MKLN1: variants seen among roughly 807,000 people sequenced by gnomAD.
MKLN1 encodes the protein muskelin 1.
In MKLN1, 18 loss-of-function variants were observed where a neutral mutation model predicts 99.0. The observed-to-expected ratio is 0.18, with a 90% CI of 0.13 to 0.27. The LOEUF is 0.27. Ranked by LOEUF, MKLN1 falls within the 10% of genes least tolerant of loss-of-function variation. The pLI is 1.00. For synonymous variants in MKLN1, 288 were observed against 293.2 expected (o/e 0.98, Z 0.18); for missense variants, 621 against 875.9 (o/e 0.71, Z 3.67).
chr7:131,386,416 C>G (rs559718022), intron 2 of MKLN1, among the ~76,000 whole-genome samples: 1 of 152,226 alleles, frequency 6.6e-6, no homozygotes, highest in East Asian at 1.9e-4. Context: ...TCTTAACCGT[C>G]TTTATCACCT....
intron 2 of MKLN1, among the ~76,000 whole-genome samples, chr7:131,157,679 AG>A (rs1175068917): frequency 6.6e-6 from 1 of 152,142 alleles, no homozygotes; most frequent in African/African-American, 2.4e-5. Context: ...TTCATGCAAA[AG>A]CTCCTGAAAA....
rs529225680 is a variant in MKLN1, at chr7:131,116,028, G to A, written c.-419+5821G>A. ...CACTTAAAAAATATTAATTAGGGCC[G>A]GGCACGGTGGCTCACGCCTGTAATC... On this transcript the variant is annotated intron_variant, in intron 1 of 7. Transcript: ENST00000416992. 9.9e-5 allele frequency among the ~76,000 whole-genome samples: 15 copies of A among 152,198 alleles called. No homozygotes were observed. The East Asian group carries it at 1.7e-3, about 18-fold the overall frequency.
intron 8 of MKLN1, 87 bp downstream of exon 8, chr7:131,414,797 G>A (rs1794969349): frequency 1.8e-5 from 2 of 108,126 alleles, no homozygotes; most frequent in South Asian, 1.8e-4. Context: ...GAAGGGGCGG[G>A]GGGTGGGGGG....
intron 1 of MKLN1, among the ~76,000 whole-genome samples, chr7:131,123,590 C>T (rs772690710): frequency 2.8e-4 from 43 of 152,136 alleles, no homozygotes; most frequent in Non-Finnish European, 3.5e-4. Flanking sequence ...AAGTTCAAGA[C>T]CAACCTGGCC....
chr7:131,366,507 A>G (rs568257434), intron 1 of MKLN1, among the ~76,000 whole-genome samples: 6 of 152,222 alleles, frequency 3.9e-5, no homozygotes, highest in African/African-American at 1.4e-4. Context: ...ATATTTAAGT[A>G]TTCTTAAGAG....
At chr7:131,223,178 C>T (rs989298929) in intron 3 of MKLN1, among the ~76,000 whole-genome samples, 2 of 152,200 alleles carry the variant, frequency 1.3e-5, no homozygotes, top group South Asian at 2.1e-4. Context: ...GGATTCTTCC[C>T]CACATTCCCC....
chr7:131,174,978 G>C (rs1796272336), intron 2 of MKLN1, among the ~76,000 whole-genome samples: 1 of 151,328 alleles, frequency 6.6e-6, no homozygotes, highest in African/African-American at 2.4e-5. Flanking sequence ...TAGATAGATA[G>C]ATAGATAGAT....
chr7:131,144,655 T>G (rs1314182602), intron 2 of MKLN1, among the ~76,000 whole-genome samples: 3 of 151,622 alleles, frequency 2.0e-5, no homozygotes, highest in Non-Finnish European at 4.4e-5. Flanking sequence ...ACCTGGCCCT[T>G]GTGTTTTGTT....
intron 8 of MKLN1, among the ~76,000 whole-genome samples, chr7:131,427,661 C>T (rs985163899): frequency 6.6e-6 from 1 of 152,168 alleles, no homozygotes; most frequent in Non-Finnish European, 1.5e-5. Flanking sequence ...TCAAGTGATT[C>T]TCCTGCCTCA....
At chr7:131,363,543 C>A (rs1800090319) in intron 1 of MKLN1, among the ~76,000 whole-genome samples, 1 of 151,986 alleles carries the variant, frequency 6.6e-6, no homozygotes, top group Non-Finnish European at 1.5e-5. Flanking sequence ...TTCCAGTTAT[C>A]TCTGCATTTA....
chr7:131,224,219 C>T (rs1181795012), intron 3 of MKLN1, among the ~76,000 whole-genome samples: 1 of 152,236 alleles, frequency 6.6e-6, no homozygotes, highest in Non-Finnish European at 1.5e-5. Flanking sequence ...GCCTGGGCAA[C>T]ACAGAGAAAC....
chr7:131,306,303 A>T (rs923796620), intron 3 of MKLN1, among the ~76,000 whole-genome samples: 1 of 152,254 alleles, frequency 6.6e-6, no homozygotes, highest in African/African-American at 2.4e-5. Context: ...TGCTATAAAG[A>T]TACCTAAAAA....
chr7:131,338,701 G>A (rs1421009255), intron 1 of MKLN1, among the ~76,000 whole-genome samples: 4 of 152,126 alleles, frequency 2.6e-5, no homozygotes, highest in Admixed American at 1.3e-4. Flanking sequence ...ATGTAAAAAC[G>A]TACGACTTGA....
intron 1 of MKLN1, among the ~76,000 whole-genome samples, chr7:131,332,214 T>G (rs1285900308): frequency 6.6e-6 from 1 of 151,476 alleles, no homozygotes; most frequent in Non-Finnish European, 1.5e-5. Flanking sequence ...GGCAGGACCA[T>G]CACTTGAGAC....
chr7:131,487,937 A>T lies in MKLN1; in HGVS notation c.*209A>T, dbSNP rs1797330231. ...ATCCTATTCCTAAATTAGGCTAATA[A>T]AGTGAAATTGGTATACTTTCCAGTT... On this transcript the variant is annotated 3_prime_UTR_variant, in exon 18 of 18. Transcript: ENST00000352689. This position sits in a 1 kb window ranked among gnomAD's most constrained non-coding sequence, Gnocchi z 4.7. 1 of 316,794 alleles carries T rather than the reference A, an allele frequency of 3.2e-6. No individual in the cohort carries two copies. Among genetic ancestry groups the T allele is most frequent in the Non-Finnish European group, 5.6e-6 (1 of 177,000 alleles). The allele number at this position is 316,794 out of a possible 1,614,324, so 19.6% of individuals were successfully genotyped here. A position where few individuals can be genotyped will look rare whatever the true frequency, so the allele number is the denominator to read the frequency against.
chr7:131,229,546 G>GTGT (rs72042327), intron 3 of MKLN1, among the ~76,000 whole-genome samples: 2,051 of 151,620 alleles, frequency 0.014, 37 homozygotes, highest in African/African-American at 0.046. Context: ...ATGTGTGTGT[G>GTGT]TGTTGTTGTT....
At chr7:131,303,987 A>C (rs1798415180) in intron 3 of MKLN1, among the ~76,000 whole-genome samples, 1 of 152,250 alleles carries the variant, frequency 6.6e-6, no homozygotes, top group Non-Finnish European at 1.5e-5. Context: ...TTCAGGAGGA[A>C]CTAGGAGATT....
intron 8 of MKLN1, among the ~76,000 whole-genome samples, chr7:131,420,706 A>G (rs1490857534): frequency 6.6e-6 from 1 of 152,174 alleles, no homozygotes; most frequent in East Asian, 1.9e-4. Context: ...AGTTGTTCAC[A>G]CAAGTATTGT....
At chr7:131,216,725 CTG>C (rs1796988360) in intron 3 of MKLN1, among the ~76,000 whole-genome samples, 1 of 152,206 alleles carries the variant, frequency 6.6e-6, no homozygotes. Context: ...ATACTTGTGT[CTG>C]TGTCTGTCAC....
Sources: gnomAD v4.1 joint callset for allele counts (sites outside exome capture counted in the v4.1 genomes callset) on GRCh38, gnomAD v4.1.1 for gene constraint, Gnocchi (gnomAD v3.1) non-coding constraint, MANE v1.5 for transcripts, NCBI Gene and HGNC (gene_info 2026-07-23, HGNC 2026-07-21) for gene names.